The following ASTN1 variants were observed in gnomAD, a reference collection of about 807,000 sequenced individuals.
ASTN1 encodes astrotactin 1.
A neutral mutation model predicts 140.7 loss-of-function variants in ASTN1; 41 were observed. The observed-to-expected ratio is 0.29, with a 90% CI of 0.23 to 0.38. The LOEUF is 0.38. Among genes scored for constraint, ASTN1 ranks in the 10% least tolerant of loss-of-function variants. ASTN1 has a pLI of 1.00. For synonymous variants in ASTN1, 640 were observed against 652.2 expected (o/e 0.98, Z 0.29); for missense variants, 1,479 against 1,678.8 (o/e 0.88, Z 2.08).
chr1:176,977,621 C>T lies in ASTN1; in HGVS notation c.1524-12384G>A, dbSNP rs533187523. Among the ~76,000 whole-genome samples, 4 of 152,170 alleles carry T rather than the reference C, an allele frequency of 2.6e-5. No individual in the cohort carries two copies. In the East Asian group the frequency reaches 7.7e-4, roughly 29 times the overall value. ...CAAGTAAAAGCTATTACTTTTTATGCATTTATACTAGTCAGTGAGCCAAGT... is the reference window on the plus strand; with the variant it reads ...CAAGTAAAAGCTATTACTTTTTATGTATTTATACTAGTCAGTGAGCCAAGT... On this transcript the variant is annotated intron_variant, in intron 8 of 22. Transcript: ENST00000361833.
intron 1 of ASTN1, among the ~76,000 whole-genome samples, chr1:177,154,417 T>C (rs1213833930): frequency 6.6e-6 from 1 of 152,224 alleles, no homozygotes; most frequent in Non-Finnish European, 1.5e-5. Context: ...ACTAACTATA[T>C]TTCAAGTGTT....
intron 8 of ASTN1, among the ~76,000 whole-genome samples, chr1:176,984,076 G>A (rs911801394): frequency 2.6e-5 from 4 of 152,232 alleles, no homozygotes; most frequent in African/African-American, 9.6e-5. Context: ...CAGAGGCAAG[G>A]AAGAGAAAGA....
At chr1:176,901,560 C>CA (rs1427915850) in intron 16 of ASTN1, among the ~76,000 whole-genome samples, 1 of 152,146 alleles carries the variant, frequency 6.6e-6, no homozygotes, top group East Asian at 1.9e-4. Flanking sequence ...TGGGATTTGG[C>CA]ATATATGCTC....
chr1:176,936,287 T>C lies in ASTN1; in HGVS notation c.2461A>G (p.Asn821Asp). ...TCACCCTGAGAGATGGCCACTTGGT[T>C]GAGTTTGATGTGGTACATCACAGAC... ...VRSVMYHIKL[N>D]QVAISQALSN... is the part of the protein sequence containing the mutation. The change falls in exon 15 of 23, where the codon AAC becomes GAC. Residue 821 changes from asparagine to aspartate, a missense_variant. This residue lies in a region of ASTN1 where 746 missense variants were observed against 800.9 expected (regional missense o/e 0.93). Coordinates refer to ENST00000361833, the MANE Select transcript of ASTN1 (RefSeq NM_004319.3). The C allele has an allele frequency of 6.2e-7, 1 of 1,614,052 alleles. No homozygotes were observed. The highest frequency in any genetic ancestry group is 1.3e-5 in the African/African-American group (1 of 75,050).
intron 2 of ASTN1, among the ~76,000 whole-genome samples, chr1:177,041,777 T>C (rs766633098): frequency 6.6e-6 from 1 of 152,224 alleles, no homozygotes; most frequent in Non-Finnish European, 1.5e-5. Context: ...TTTTCTCTGA[T>C]CATAAAGGAG....
chr1:176,938,796 CA>C (rs1293640135), intron 14 of ASTN1, among the ~76,000 whole-genome samples: 1 of 152,024 alleles, frequency 6.6e-6, no homozygotes, highest in African/African-American at 2.4e-5. Context: ...GTTGTGAGAA[CA>C]AAATAAAATT....
intron 8 of ASTN1, among the ~76,000 whole-genome samples, chr1:176,991,242 C>G (rs918768111): frequency 2.0e-5 from 3 of 151,936 alleles, no homozygotes; most frequent in Non-Finnish European, 2.9e-5. Context: ...GGAGAAACCC[C>G]GTCTCTACTA....
intron 1 of ASTN1, among the ~76,000 whole-genome samples, chr1:177,090,451 A>G (rs1241908630): frequency 6.6e-6 from 1 of 152,168 alleles, no homozygotes; most frequent in Non-Finnish European, 1.5e-5. Context: ...GATCCATGAG[A>G]GAGCCTTATG....
intron 20 of ASTN1, among the ~76,000 whole-genome samples, chr1:176,877,882 T>C (rs1443845984): frequency 2.0e-5 from 3 of 152,098 alleles, no homozygotes; most frequent in Non-Finnish European, 4.4e-5. Context: ...CAGCTTGGCA[T>C]GGAACAGACG....
intron 21 of ASTN1, among the ~76,000 whole-genome samples, chr1:176,873,496 A>G (rs780406002): frequency 6.6e-6 from 1 of 152,222 alleles, no homozygotes; most frequent in Non-Finnish European, 1.5e-5. Flanking sequence ...TAGGTAGATA[A>G]TGAGGAGCTG....
chr1:176,925,042 T>C (rs1670896237), intron 16 of ASTN1, among the ~76,000 whole-genome samples: 1 of 152,224 alleles, frequency 6.6e-6, no homozygotes, highest in Non-Finnish European at 1.5e-5. Context: ...ATTTTTGGTA[T>C]GTTTCCAATT....
At chr1:176,914,420 A>C (rs748694286) in intron 16 of ASTN1, among the ~76,000 whole-genome samples, 2 of 152,218 alleles carry the variant, frequency 1.3e-5, no homozygotes, top group Non-Finnish European at 2.9e-5. Context: ...CAGAGACAAT[A>C]AGGTCAAAGA....
chr1:176,953,476 C>T (rs1279035992), intron 11 of ASTN1, among the ~76,000 whole-genome samples: 1 of 152,218 alleles, frequency 6.6e-6, no homozygotes, highest in African/African-American at 2.4e-5. Context: ...TGGGCTCTGA[C>T]ATGCAGGCTC....
intron 1 of ASTN1, among the ~76,000 whole-genome samples, chr1:177,123,144 G>A (rs1203599252): frequency 6.6e-6 from 1 of 152,144 alleles, no homozygotes; most frequent in Non-Finnish European, 1.5e-5. Context: ...CTTCTGCAAG[G>A]CTTCAGCAAG....
intron 2 of ASTN1, among the ~76,000 whole-genome samples, chr1:177,046,753 C>T (rs1266377745): frequency 6.6e-6 from 1 of 152,096 alleles, no homozygotes; most frequent in Non-Finnish European, 1.5e-5. Flanking sequence ...CCCTAAGGTT[C>T]CTGTTCCATG....
intron 11 of ASTN1, among the ~76,000 whole-genome samples, chr1:176,949,909 G>T (rs1243865154): frequency 6.6e-6 from 1 of 152,174 alleles, no homozygotes; most frequent in East Asian, 1.9e-4. Flanking sequence ...CTCATAGTGG[G>T]AGTAGCTGTG....
At chr1:177,120,284 T>C (rs1681316680) in intron 1 of ASTN1, among the ~76,000 whole-genome samples, 1 of 152,186 alleles carries the variant, frequency 6.6e-6, no homozygotes, top group African/African-American at 2.4e-5. Context: ...TTTGAATCAT[T>C]GGGAAGTTTT....
intron 1 of ASTN1, among the ~76,000 whole-genome samples, chr1:177,123,611 C>T (rs190221668): frequency 2.1e-4 from 32 of 152,270 alleles, no homozygotes; most frequent in African/African-American, 6.3e-4. Context: ...CCTCACATTC[C>T]TATCTGGCTA....
chr1:177,002,513 G>A (rs994427999), intron 8 of ASTN1, among the ~76,000 whole-genome samples: 1 of 151,906 alleles, frequency 6.6e-6, no homozygotes, highest in Non-Finnish European at 1.5e-5. Flanking sequence ...ACTCTCTAGG[G>A]GATGGTACTT....
Sources: allele counts gnomAD v4.1 joint callset (sites outside exome capture counted in the v4.1 genomes callset), GRCh38; gene constraint gnomAD v4.1.1; regional missense constraint gnomAD v4.1.1; transcripts MANE v1.5; gene names NCBI Gene and HGNC (gene_info 2026-07-23, HGNC 2026-07-21).